The following BAAT variants were observed in gnomAD, a reference collection of about 807,000 sequenced individuals.
BAAT encodes the protein bile acid-CoA:amino acid N-acyltransferase, also known as bile acid CoA: amino acid N-acyltransferase (glycine N-choloyltransferase).
BAAT carries 13 observed loss-of-function variants against 18.9 expected under a neutral mutation model. That is an observed-to-expected ratio of 0.69 (90% confidence interval 0.45 to 1.10). BAAT has a LOEUF of 1.10. Among genes scored for constraint, BAAT ranks in the 50% least tolerant of loss-of-function variants. The pLI is 0.00. For missense variants in BAAT, 489 were observed against 504.0 expected, an observed-to-expected ratio of 0.97 and a Z score of 0.28; for synonymous variants, 170 against 190.7, an observed-to-expected ratio of 0.89 and a Z score of 0.89.
intron 1 of BAAT, chr9:101,376,652 A>T (rs1366992479): frequency 6.6e-6 from 1 of 152,218 alleles, no homozygotes; most frequent in Non-Finnish European, 1.5e-5. Flanking sequence ...CCACAGTTGG[A>T]GGCCTGCCAC....
At chr9:101,371,619 G>A in intron 1 of BAAT, 156 bp from the exon 2 acceptor site, 2 of 599,786 alleles carry the variant, frequency 3.3e-6, no homozygotes, top group South Asian at 2.1e-5. Context: ...AGACACCTGA[G>A]AGCTTTCAAT....
intron 1 of BAAT, among the ~76,000 whole-genome samples, chr9:101,379,432 T>A (rs2119038250): frequency 6.6e-6 from 1 of 152,344 alleles, no homozygotes; most frequent in East Asian, 1.9e-4. Flanking sequence ...TTTAAAAAAA[T>A]CTGAGATTCT....
At chr9:101,367,607 C>A (rs1304388291) in intron 3 of BAAT, among the ~76,000 whole-genome samples, 1 of 152,082 alleles carries the variant, frequency 6.6e-6, no homozygotes, top group Non-Finnish European at 1.5e-5. Context: ...TCCTCAGCCC[C>A]TGCTAAGTAA....
intron 2 of BAAT, among the ~76,000 whole-genome samples, chr9:101,370,361 G>A (rs1303386629): frequency 1.6e-5 from 2 of 128,624 alleles, no homozygotes; most frequent in Non-Finnish European, 3.1e-5. Context: ...CACCCAGGCT[G>A]GAGTGCAGTA....
chr9:101,368,025 C>T, intron 3 of BAAT, 95 bp downstream of exon 3: 1 of 1,343,294 alleles, frequency 7.4e-7, no homozygotes, highest in African/African-American at 1.5e-5. Flanking sequence ...GCACTCCAGC[C>T]TGGGTGACGG....
At chr9:101,372,310 C>T (rs960719050) in intron 1 of BAAT, among the ~76,000 whole-genome samples, 3 of 149,876 alleles carry the variant, frequency 2.0e-5, no homozygotes, top group East Asian at 2.0e-4. Context: ...AAAAAAAAAC[C>T]CAGAAGGATC....
chr9:101,363,147 A>G (rs1473158847), intron 3 of BAAT, 132 bp from the exon 4 acceptor site: 10 of 843,630 alleles, frequency 1.2e-5, no homozygotes, highest in African/African-American at 1.7e-5. Context: ...ATCCCTAGCT[A>G]TAGAGTTCTG....
intron 1 of BAAT, among the ~76,000 whole-genome samples, chr9:101,382,170 C>A (rs888917355): frequency 6.6e-6 from 1 of 152,128 alleles, no homozygotes; most frequent in Non-Finnish European, 1.5e-5. Flanking sequence ...CTCTGCTTCT[C>A]TAAAATAACA....
At chr9:101,379,718 T>C (rs968228093) in intron 1 of BAAT, among the ~76,000 whole-genome samples, 9 of 152,236 alleles carry the variant, frequency 5.9e-5, no homozygotes, top group African/African-American at 1.9e-4. Flanking sequence ...CTAAATTATT[T>C]TGTGGCTACA....
chr9:101,372,294 T>C (rs1829964753), intron 1 of BAAT, among the ~76,000 whole-genome samples: 1 of 145,158 alleles, frequency 6.9e-6, no homozygotes, highest in African/African-American at 2.5e-5. Flanking sequence ...AAATGAAAGT[T>C]AAAAAAAAAA....
chr9:101,383,235 C>G (rs555156045), intron 1 of BAAT, among the ~76,000 whole-genome samples: 3 of 152,170 alleles, frequency 2.0e-5, no homozygotes, highest in Admixed American at 6.5e-5. Flanking sequence ...ATCATAATAG[C>G]AAGTCCCTAC....
chr9:101,362,310 A>T lies in BAAT; in HGVS notation c.*118T>A, dbSNP rs1410102778. On this transcript the variant is annotated 3_prime_UTR_variant, in exon 4 of 4. Coordinates refer to ENST00000259407, the MANE Select transcript of BAAT (RefSeq NM_001701.4). Reference sequence around the variant, plus strand: ...TTTTTACCCTATGCTCTTTTTAATCATTAAAATTAATACAAAATGTGTGTG... The same window carrying T: ...TTTTTACCCTATGCTCTTTTTAATCTTTAAAATTAATACAAAATGTGTGTG... 27 of 1,122,036 alleles carry T rather than the reference A, an allele frequency of 2.4e-5. No individual in the cohort carries two copies. The highest frequency in any genetic ancestry group is 6.5e-6 in the Non-Finnish European group (5 of 775,160). 69.5% of individuals were successfully genotyped at this position (1,122,036 alleles called of 1,614,324 possible). A position where few individuals can be genotyped will look rare whatever the true frequency, so the allele number is the denominator to read the frequency against.
intron 1 of BAAT, among the ~76,000 whole-genome samples, chr9:101,371,806 TG>T (rs1390691619): frequency 3.9e-5 from 6 of 152,136 alleles, no homozygotes; most frequent in Admixed American, 2.0e-4. Context: ...AAATAAGATG[TG>T]GGTTTGAAAA....
chr9:101,370,591 T>G (rs992668480), intron 2 of BAAT, among the ~76,000 whole-genome samples: 1 of 152,084 alleles, frequency 6.6e-6, no homozygotes, highest in African/African-American at 2.4e-5. Flanking sequence ...AAATTTAGCA[T>G]AAATCCAAAG....
chr9:101,379,594 A>G (rs1019360714), intron 1 of BAAT, among the ~76,000 whole-genome samples: 1 of 152,262 alleles, frequency 6.6e-6, no homozygotes, highest in African/African-American at 2.4e-5. Context: ...TATCCTTGGT[A>G]GAAATAGAGA....
chr9:101,377,203 C>T (rs1198402778), intron 1 of BAAT, among the ~76,000 whole-genome samples: 6 of 152,166 alleles, frequency 3.9e-5, no homozygotes, highest in African/African-American at 1.2e-4. Context: ...CTTAATACAA[C>T]ACTATCAAAT....
chr9:101,377,324 A>G (rs567452081), intron 1 of BAAT, among the ~76,000 whole-genome samples: 2 of 152,304 alleles, frequency 1.3e-5, no homozygotes, highest in East Asian at 3.9e-4. Flanking sequence ...GAAGGCAAAA[A>G]TTACAATGAG....
intron 3 of BAAT, among the ~76,000 whole-genome samples, chr9:101,363,551 T>C (rs886307129): frequency 2.6e-5 from 4 of 152,038 alleles, no homozygotes; most frequent in Non-Finnish European, 4.4e-5. Flanking sequence ...CATCCTTAAA[T>C]TATCTATCCT....
intron 3 of BAAT, among the ~76,000 whole-genome samples, chr9:101,363,645 A>G (rs1171728774): frequency 2.8e-5 from 3 of 105,510 alleles, no homozygotes; most frequent in Admixed American, 9.2e-5. Context: ...ACACAGGAGG[A>G]AAAAAAAAAA....
Sources: allele counts gnomAD v4.1 joint callset (sites outside exome capture counted in the v4.1 genomes callset), GRCh38; gene constraint gnomAD v4.1.1; transcripts MANE v1.5; gene names NCBI Gene and HGNC (gene_info 2026-07-23, HGNC 2026-07-21).